The following IGF2BP2 variants were observed in gnomAD, a reference collection of about 807,000 sequenced individuals.
IGF2BP2 encodes the protein insulin like growth factor 2 mRNA binding protein 2.
IGF2BP2 carries 17 observed loss-of-function variants against 75.8 expected under a neutral mutation model. The ratio of observed to expected loss-of-function variants is 0.22; its 90% CI spans 0.15 to 0.34. IGF2BP2 has a LOEUF of 0.34. Ranked by LOEUF, IGF2BP2 falls within the 10% of genes least tolerant of loss-of-function variation. IGF2BP2 has a pLI of 1.00. For missense variants in IGF2BP2, 516 were observed against 772.4 expected (o/e 0.67, Z 3.93); for synonymous variants, 288 against 295.6 (o/e 0.97, Z 0.26).
intron 5 of IGF2BP2, among the ~76,000 whole-genome samples, chr3:185,691,389 C>T (rs1041501648): frequency 2.3e-4 from 35 of 152,144 alleles, no homozygotes; most frequent in African/African-American, 7.2e-4. Flanking sequence ...TGAGCCACCA[C>T]GCCTGGCCTG....
At chr3:185,799,231 A>T (rs1485659270) in intron 2 of IGF2BP2, among the ~76,000 whole-genome samples, 1 of 151,834 alleles carries the variant, frequency 6.6e-6, no homozygotes, top group Non-Finnish European at 1.5e-5. Flanking sequence ...AAAACCCCAT[A>T]TCTACAAAAA....
intron 2 of IGF2BP2, among the ~76,000 whole-genome samples, chr3:185,725,562 T>C (rs1002209847): frequency 2.0e-5 from 3 of 152,152 alleles, no homozygotes; most frequent in Non-Finnish European, 4.4e-5. Context: ...AAGGGACTAA[T>C]ATTGTTTTTT....
chr3:185,819,884 C>T (rs1465045987), intron 2 of IGF2BP2, among the ~76,000 whole-genome samples: 1 of 151,970 alleles, frequency 6.6e-6, no homozygotes, highest in Non-Finnish European at 1.5e-5. Flanking sequence ...TTCAACCATA[C>T]ACAATGTAGT....
At chr3:185,715,143 G>A (rs1269034523) in intron 2 of IGF2BP2, among the ~76,000 whole-genome samples, 2 of 152,202 alleles carry the variant, frequency 1.3e-5, no homozygotes, top group Non-Finnish European at 2.9e-5. Flanking sequence ...ATGGAAGGCA[G>A]AATACGCCAA....
At chr3:185,716,813 G>A in intron 2 of IGF2BP2, 1 of 518,104 alleles carries the variant, frequency 1.9e-6, no homozygotes, top group Non-Finnish European at 3.9e-6. Context: ...CTTAACTGAG[G>A]GGCCAAAGAG....
chr3:185,683,653 C>T (rs1458493614), intron 7 of IGF2BP2, among the ~76,000 whole-genome samples: 1 of 152,186 alleles, frequency 6.6e-6, no homozygotes, highest in African/African-American at 2.4e-5. Context: ...AGTGATCCAC[C>T]TTGTCTCAGC....
At chr3:185,660,319 A>G (rs578002395) in intron 10 of IGF2BP2, among the ~76,000 whole-genome samples, 1 of 152,344 alleles carries the variant, frequency 6.6e-6, no homozygotes, top group East Asian at 1.9e-4. Context: ...CTGGTGACCC[A>G]GCTTTCACTT....
intron 2 of IGF2BP2, among the ~76,000 whole-genome samples, chr3:185,721,422 G>C (rs545369293): frequency 6.6e-6 from 1 of 151,932 alleles, no homozygotes; most frequent in Non-Finnish European, 1.5e-5. Flanking sequence ...GGCTGCTCTC[G>C]AACTCCTGAC....
intron 2 of IGF2BP2, among the ~76,000 whole-genome samples, chr3:185,729,426 T>G (rs116028332): frequency 1.3e-5 from 2 of 152,328 alleles, no homozygotes; most frequent in African/African-American, 4.8e-5. Flanking sequence ...ATGATAAAAT[T>G]TGACCTCTTA....
chr3:185,747,580 G>A (rs917847271), intron 2 of IGF2BP2, among the ~76,000 whole-genome samples: 2 of 152,038 alleles, frequency 1.3e-5, no homozygotes, highest in Non-Finnish European at 2.9e-5. Context: ...TTGAGAGGCC[G>A]AGGCACAAGA....
At chr3:185,662,943 G>C (rs541348690) in intron 10 of IGF2BP2, among the ~76,000 whole-genome samples, 1 of 152,134 alleles carries the variant, frequency 6.6e-6, no homozygotes, top group Non-Finnish European at 1.5e-5. Context: ...GCCTCCCAGA[G>C]TGCTGGGATT....
intron 6 of IGF2BP2, 185 bp downstream of exon 6, chr3:185,689,170 G>A: frequency 1.6e-6 from 1 of 628,004 alleles, no homozygotes; most frequent in Non-Finnish European, 2.7e-6. Context: ...CTCTCAGCAT[G>A]AAAGCTTGTC....
chr3:185,675,061 T>A, intron 9 of IGF2BP2: 2 of 255,114 alleles, frequency 7.8e-6, no homozygotes, highest in Non-Finnish European at 1.4e-5. Flanking sequence ...AAACACTATA[T>A]CATAAGCTTT....
chr3:185,777,641 T>C (rs534615793), intron 2 of IGF2BP2, among the ~76,000 whole-genome samples: 9 of 152,216 alleles, frequency 5.9e-5, no homozygotes, highest in Non-Finnish European at 1.2e-4. Context: ...CAATTTTCAG[T>C]GAATCAGTGA....
chr3:185,741,064 C>T (rs377194647), intron 2 of IGF2BP2, among the ~76,000 whole-genome samples: 1 of 151,910 alleles, frequency 6.6e-6, no homozygotes, highest in Non-Finnish European at 1.5e-5. Context: ...TTAGTAGAGA[C>T]GGGGTTTCAC....
intron 12 of IGF2BP2, among the ~76,000 whole-genome samples, chr3:185,652,814 T>C (rs577365890): frequency 6.6e-6 from 1 of 152,288 alleles, no homozygotes; most frequent in African/African-American, 2.4e-5. Context: ...ACATAGGGGC[T>C]GGGCCCACCA....
intron 14 of IGF2BP2, among the ~76,000 whole-genome samples, chr3:185,648,463 CAAAAA>C (rs560603469): frequency 3.9e-5 from 2 of 51,352 alleles, no homozygotes; most frequent in Non-Finnish European, 4.1e-5. Flanking sequence ...AACTCTGTCT[CAAAAA>C]AAAAAAAAAA....
intron 2 of IGF2BP2, among the ~76,000 whole-genome samples, chr3:185,740,272 T>C (rs1018802799): frequency 6.6e-6 from 1 of 152,204 alleles, no homozygotes; most frequent in South Asian, 2.1e-4. Context: ...ATACATATCA[T>C]ACAAGGTGAA....
At chr3:185,675,009 CTTTTTTTTT>C (rs777364824) in intron 9 of IGF2BP2, 34 of 110,046 alleles carry the variant, frequency 3.1e-4, no homozygotes, top group African/African-American at 1.1e-3. Context: ...TCTTGCTTTT[CTTTTTTTTT>C]TTTTTTTTTT....
Sources: allele counts gnomAD v4.1 joint callset (sites outside exome capture counted in the v4.1 genomes callset), GRCh38; gene constraint gnomAD v4.1.1; transcripts MANE v1.5; gene names NCBI Gene and HGNC (gene_info 2026-07-23, HGNC 2026-07-21).